Variants in SUGT1 observed in about 807,000 individuals in gnomAD.
SUGT1 encodes protein SGT1 homolog.
A neutral mutation model predicts 56.1 loss-of-function variants in SUGT1; 15 were observed. The ratio of observed to expected loss-of-function variants is 0.27; its 90% CI spans 0.18 to 0.41. The LOEUF (loss-of-function observed/expected upper bound fraction) is 0.41. Ranked by LOEUF, SUGT1 falls within the 10% of genes least tolerant of loss-of-function variation. SUGT1 has a pLI of 1.00. For missense variants in SUGT1, 347 were observed against 382.2 expected (o/e 0.91, Z 0.77); for synonymous variants, 123 against 128.6 (o/e 0.96, Z 0.30).
chr13:52,678,048 T>G (rs1388625655), intron 11 of SUGT1, among the ~76,000 whole-genome samples: 2 of 152,172 alleles, frequency 1.3e-5, no homozygotes, highest in African/African-American at 2.4e-5. Flanking sequence ...TAAGGGCAAG[T>G]CACTTAACCT....
At chr13:52,657,034 T>TTAAC (rs1190645136) in intron 2 of SUGT1, among the ~76,000 whole-genome samples, 1 of 152,220 alleles carries the variant, frequency 6.6e-6, no homozygotes. Flanking sequence ...TGTGTGCTAT[T>TTAAC]GTTAGAGGCT....
rs996344116 is a variant in SUGT1, at chr13:52,697,880, T to C, written c.*10045T>C. The C allele has an allele frequency of 2.0e-5, 3 of 152,216 alleles. No homozygotes were observed. The highest frequency in any genetic ancestry group is 7.2e-5 in the African/African-American group (3 of 41,458). The allele number at this position is 152,216 out of a possible 1,614,324, so 9.4% of individuals were successfully genotyped here. A position where few individuals can be genotyped will look rare whatever the true frequency, so the allele number is the denominator to read the frequency against. ...AGGTAAACAAAATTCCCTGCCTTCATGGAGCTTAGCTTGTGGTGGTGGAAA... is the reference window on the plus strand; with the variant it reads ...AGGTAAACAAAATTCCCTGCCTTCACGGAGCTTAGCTTGTGGTGGTGGAAA... On this transcript the variant is annotated 3_prime_UTR_variant, in exon 13 of 13. Coordinates refer to ENST00000310528, the MANE Select transcript of SUGT1 (RefSeq NM_006704.5).
chr13:52,676,658 C>T (rs1046423977), intron 11 of SUGT1, among the ~76,000 whole-genome samples: 4 of 152,088 alleles, frequency 2.6e-5, no homozygotes, highest in African/African-American at 7.2e-5. Flanking sequence ...GTTTACTCGG[C>T]GGATATATTT....
chr13:52,672,438 C>G lies in SUGT1; in HGVS notation c.628-3792C>G, dbSNP rs186494143. Among the ~76,000 whole-genome samples the G allele has an allele frequency of 2.0e-5, 3 of 152,246 alleles. No homozygotes were observed. In the East Asian group the frequency reaches 5.8e-4, roughly 29 times the overall value. On this transcript the variant is annotated intron_variant, in intron 10 of 12. Coordinates refer to ENST00000310528, the MANE Select transcript of SUGT1 (RefSeq NM_006704.5). ...GTTTGGAGAAGACCTTCAATCTTCT[C>G]CATTCATTGCCATTTTTTTGCATTT...
At chr13:52,680,964 C>T (rs992157978) in intron 12 of SUGT1, among the ~76,000 whole-genome samples, 4 of 152,182 alleles carry the variant, frequency 2.6e-5, no homozygotes, top group Non-Finnish European at 5.9e-5. Context: ...ACCTCAGCCT[C>T]TGCAGTAGCT....
At chr13:52,673,390 G>A (rs561337651) in intron 10 of SUGT1, among the ~76,000 whole-genome samples, 15 of 152,142 alleles carry the variant, frequency 9.9e-5, no homozygotes, top group African/African-American at 3.1e-4. Flanking sequence ...AGGATTACAC[G>A]TGTGAGCCAA....
At chr13:52,676,813 G>T (rs1214194236) in intron 11 of SUGT1, among the ~76,000 whole-genome samples, 2 of 152,104 alleles carry the variant, frequency 1.3e-5, no homozygotes, top group Non-Finnish European at 2.9e-5. Context: ...GCAAATAGGT[G>T]GTAAATGCCA....
intron 5 of SUGT1, chr13:52,661,569 A>G (rs1166951310): frequency 1.9e-5 from 8 of 414,818 alleles, no homozygotes; most frequent in Non-Finnish European, 3.8e-5. Flanking sequence ...CTGGGATTAC[A>G]GGTATGAGCC....
At position 52,694,930 on chromosome 13, in the gene SUGT1, C is replaced by T. The variant is rs35246688; in HGVS notation, c.*7095C>T. 863 of 152,394 alleles carry T rather than the reference C, an allele frequency of 5.7e-3. 2 individuals are homozygous for T. Among genetic ancestry groups the T allele is most frequent in the Non-Finnish European group, 9.2e-3 (625 of 68,098 alleles). 9.4% of individuals were successfully genotyped at this position (152,394 alleles called of 1,614,324 possible). On this transcript the variant is annotated 3_prime_UTR_variant, in exon 13 of 13. Coordinates refer to ENST00000310528, the MANE Select transcript of SUGT1 (RefSeq NM_006704.5). Reference sequence around the variant, plus strand: ...GGTCTCATCTCCTGATCTTGTGACCCGCCCGCCTCGGCCTCCCAAAGTGCT... The same window carrying T: ...GGTCTCATCTCCTGATCTTGTGACCTGCCCGCCTCGGCCTCCCAAAGTGCT...
At chr13:52,664,218 GT>G (rs1962584113) in intron 8 of SUGT1, among the ~76,000 whole-genome samples, 161 bp downstream of exon 8, 2 of 152,120 alleles carry the variant, frequency 1.3e-5, no homozygotes, top group Non-Finnish European at 1.5e-5. Context: ...TTTTAAGGCT[GT>G]TTAAGGATTA....
In SUGT1 at chr13:52,657,574, T is replaced by A. The variant is rs1316549361; in HGVS notation, c.139T>A (p.Tyr47Asn). The change falls in exon 3 of 13, where the codon TAT becomes AAT. Residue 47 changes from tyrosine to asparagine, a missense_variant. Coordinates refer to ENST00000310528, the MANE Select transcript of SUGT1 (RefSeq NM_006704.5). Reference protein sequence around the residue: ...ALEQKPDDAQYYCQRAYCHIL... With the variant: ...ALEQKPDDAQNYCQRAYCHIL... ...GGAACAGAAACCAGATGATGCACAG[T>A]ATTATTGTCAAAGAGCTTATTGTCA... 1.2e-5 allele frequency: 19 copies of A among 1,613,638 alleles called. No individual in the cohort carries two copies. The highest frequency in any genetic ancestry group is 1.6e-5 in the Non-Finnish European group (19 of 1,179,782).
chr13:52,654,816 G>A (rs1962081199), intron 2 of SUGT1, among the ~76,000 whole-genome samples: 1 of 152,222 alleles, frequency 6.6e-6, no homozygotes, highest in Admixed American at 6.5e-5. Flanking sequence ...ATGTTGTATA[G>A]CCGTAAGTAC....
At chr13:52,665,790 ATT>A in intron 9 of SUGT1, 57 bp downstream of exon 9, 1 of 1,146,234 alleles carries the variant, frequency 8.7e-7, no homozygotes, top group Non-Finnish European at 1.3e-6. Flanking sequence ...AATTTAGTAT[ATT>A]GCAGAATAAT....
chr13:52,662,790 T>A, intron 6 of SUGT1, 88 bp downstream of exon 6: 1 of 1,361,084 alleles, frequency 7.3e-7, no homozygotes, highest in Non-Finnish European at 1.0e-6. Flanking sequence ...TGTTTTTATC[T>A]TTATAATTTC....
chr13:52,692,066 A>G lies in SUGT1; in HGVS notation c.*4231A>G, dbSNP rs1963793893. ...TCCAAATCAGCTAAAATCATATACA[A>G]TGAATGCTGACTCATTACTGCAAAT... On this transcript the variant is annotated 3_prime_UTR_variant, in exon 13 of 13. Transcript: ENST00000310528. The G allele has an allele frequency of 6.6e-6, 1 of 152,208 alleles. No individual in the cohort carries two copies. The highest frequency in any genetic ancestry group is 1.5e-5 in the Non-Finnish European group (1 of 68,032). 9.4% of individuals were successfully genotyped at this position (152,208 alleles called of 1,614,324 possible). A position where few individuals can be genotyped will look rare whatever the true frequency, so the allele number is the denominator to read the frequency against.
chr13:52,698,510 T>C lies in SUGT1; in HGVS notation c.*10675T>C, dbSNP rs927376651. ...CTCTGCTGTCCAGGCACACAATAGC[T>C]CACTGTAACCTCCAACTCCTGGAGT... On this transcript the variant is annotated 3_prime_UTR_variant, in exon 13 of 13. Coordinates refer to ENST00000310528, the MANE Select transcript of SUGT1 (RefSeq NM_006704.5). 6 of 136,064 alleles carry C rather than the reference T, an allele frequency of 4.4e-5. No individual in the cohort carries two copies. The highest frequency in any genetic ancestry group is 9.2e-5 in the Non-Finnish European group (6 of 65,092). The allele number at this position is 136,064 out of a possible 1,614,324, so 8.4% of individuals were successfully genotyped here.
rs1962133750 is a variant in SUGT1 at position 52,655,691 on chromosome 13, C to T, written c.97-1841C>T. 2.6e-5 allele frequency among the ~76,000 whole-genome samples: 4 copies of T among 152,142 alleles called. No homozygotes were observed. In the South Asian group the frequency reaches 8.3e-4, roughly 32 times the overall value. ...ACTGGTGCCATTCATTTAGATAGCA[C>T]TTAGGATGATAGCACTTAGAAGATT... is the stretch of plus-strand genomic sequence containing the variant. On this transcript the variant is annotated intron_variant, in intron 2 of 12. Transcript: ENST00000310528.
Position 52,676,224 on chromosome 13 carries a change from C to A in SUGT1, c.628-6C>A. 1 of 1,607,188 alleles carries A rather than the reference C, an allele frequency of 6.2e-7. No homozygotes were observed. Among genetic ancestry groups the A allele is most frequent in the South Asian group, 1.1e-5 (1 of 89,470 alleles). ...AGTAATGGAGTTTATTTGGTGTTTCCTCCAGATTGAAATTAAACTGAAAAA... is the reference window on the plus strand; with the variant it reads ...AGTAATGGAGTTTATTTGGTGTTTCATCCAGATTGAAATTAAACTGAAAAA... On this transcript the variant is annotated splice_region_variant and splice_polypyrimidine_tract_variant and intron_variant, in intron 10 of 12. Coordinates refer to ENST00000310528, the MANE Select transcript of SUGT1 (RefSeq NM_006704.5).
intron 12 of SUGT1, among the ~76,000 whole-genome samples, chr13:52,686,323 T>C (rs1421204865): frequency 6.6e-6 from 1 of 152,196 alleles, no homozygotes; most frequent in African/African-American, 2.4e-5. Context: ...AACTACGATA[T>C]GAATATTAGT....
Sources: allele counts gnomAD v4.1 joint callset (sites outside exome capture counted in the v4.1 genomes callset), GRCh38; gene constraint gnomAD v4.1.1; transcripts MANE v1.5; gene names NCBI Gene and HGNC (gene_info 2026-07-23, HGNC 2026-07-21).